ASCC1: variants seen among roughly 807,000 people sequenced by gnomAD.
The protein encoded by ASCC1 is activating signal cointegrator 1 complex subunit 1, also known as ASC-1 complex subunit P50.
ASCC1 carries 35 observed loss-of-function variants against 46.6 expected under a neutral mutation model. That is an observed-to-expected ratio of 0.75 (90% CI 0.57 to 0.99). ASCC1 has a LOEUF of 0.99. ASCC1 is among the 50% of genes least tolerant of loss of function. The pLI is 0.00. For missense variants in ASCC1, 376 were observed against 428.7 expected (o/e 0.88, Z 1.09); for synonymous variants, 143 against 146.6 (o/e 0.98, Z 0.18).
intron 8 of ASCC1, among the ~76,000 whole-genome samples, chr10:72,130,929 T>TAGAG (rs1324434361): frequency 1.3e-5 from 2 of 152,220 alleles, no homozygotes; most frequent in African/African-American, 4.8e-5. Context: ...TCTGAAACTC[T>TAGAG]GCCTTTACAT....
intron 7 of ASCC1, among the ~76,000 whole-genome samples, chr10:72,139,999 G>A (rs1202231793): frequency 1.3e-5 from 2 of 152,200 alleles, no homozygotes; most frequent in Non-Finnish European, 2.9e-5. Flanking sequence ...AAGTGGAAGA[G>A]ATTATAGTGG....
chr10:72,209,027 T>C (rs1475124265), intron 3 of ASCC1, among the ~76,000 whole-genome samples: 4 of 151,878 alleles, frequency 2.6e-5, no homozygotes, highest in Admixed American at 1.3e-4. Flanking sequence ...TAGCCAGGCA[T>C]GGTGGCACAC....
chr10:72,173,165 G>A (rs2132889497), intron 5 of ASCC1, among the ~76,000 whole-genome samples: 1 of 151,714 alleles, frequency 6.6e-6, no homozygotes, highest in Non-Finnish European at 1.5e-5. Context: ...ACCTGGAAAT[G>A]ACTAGGAAAC....
chr10:72,120,751 T>C (rs1844104963), intron 9 of ASCC1, among the ~76,000 whole-genome samples: 1 of 152,004 alleles, frequency 6.6e-6, no homozygotes, highest in Non-Finnish European at 1.5e-5. Flanking sequence ...TCAGAAACCA[T>C]GCAATCAAAA....
At chr10:72,147,697 G>C (rs1405760319) in intron 7 of ASCC1, among the ~76,000 whole-genome samples, 1 of 152,086 alleles carries the variant, frequency 6.6e-6, no homozygotes, top group Non-Finnish European at 1.5e-5. Context: ...AAATCACTTA[G>C]GCTCTCTGAA....
intron 5 of ASCC1, among the ~76,000 whole-genome samples, chr10:72,177,041 T>C (rs1430807247): frequency 1.3e-5 from 2 of 152,070 alleles, no homozygotes; most frequent in Non-Finnish European, 1.5e-5. Context: ...CCCTAGAGTA[T>C]GGGATCCTTA....
chr10:72,151,038 T>C (rs2132536316), intron 7 of ASCC1, among the ~76,000 whole-genome samples: 1 of 152,338 alleles, frequency 6.6e-6, no homozygotes, highest in African/African-American at 2.4e-5. Flanking sequence ...GACAGTGTGG[T>C]GATTCCTCAA....
intron 5 of ASCC1, among the ~76,000 whole-genome samples, chr10:72,188,153 C>T (rs1472900786): frequency 2.9e-5 from 4 of 137,012 alleles, no homozygotes; most frequent in African/African-American, 1.1e-4. Flanking sequence ...GAGACAGTCT[C>T]GCTCTGTCAG....
At chr10:72,177,339 A>G (rs1851981541) in intron 5 of ASCC1, among the ~76,000 whole-genome samples, 1 of 152,206 alleles carries the variant, frequency 6.6e-6, no homozygotes, top group African/African-American at 2.4e-5. Context: ...AAAGATAACT[A>G]CAAATCCTAC....
At chr10:72,165,144 C>T (rs572462591) in intron 5 of ASCC1, among the ~76,000 whole-genome samples, 4 of 151,766 alleles carry the variant, frequency 2.6e-5, no homozygotes, top group East Asian at 3.9e-4. Flanking sequence ...GACGGAGTTT[C>T]GCTCTTGTTG....
rs372834128 is a variant in ASCC1, at chr10:72,133,043, T to C, written c.871+14A>G. 3.1e-6 allele frequency: 5 copies of C among 1,614,020 alleles called. No homozygotes were observed. In the African/African-American group the frequency reaches 5.3e-5, roughly 17 times the overall value. On this transcript the variant is annotated intron_variant, in intron 8 of 9. Coordinates refer to ENST00000672957, the MANE Select transcript of ASCC1 (RefSeq NM_001198800.3). The stretch of plus-strand genomic sequence containing the variant: ...CTGATCACAAACTGTGCTATAGTTC[T>C]CTGGGGGACTTACCATTGGGGTCTT...
intron 4 of ASCC1, among the ~76,000 whole-genome samples, chr10:72,202,748 C>G (rs1229214160): frequency 6.6e-6 from 1 of 152,102 alleles, no homozygotes; most frequent in Non-Finnish European, 1.5e-5. Context: ...ATGGAAAAGG[C>G]TGAACTTTAT....
intron 1 of ASCC1, among the ~76,000 whole-genome samples, chr10:72,215,139 A>T (rs929908150): frequency 1.3e-5 from 2 of 152,340 alleles, no homozygotes; most frequent in Non-Finnish European, 2.9e-5. Flanking sequence ...GCGGTGGCTC[A>T]CGTCTGTAAT....
chr10:72,150,000 A>G (rs192586593), intron 7 of ASCC1, among the ~76,000 whole-genome samples: 8 of 152,198 alleles, frequency 5.3e-5, no homozygotes, highest in Admixed American at 4.6e-4. Flanking sequence ...AGCCTGACCA[A>G]TATGGTGAAA....
intron 7 of ASCC1, among the ~76,000 whole-genome samples, chr10:72,144,007 T>C (rs1481390868): frequency 2.0e-5 from 3 of 152,082 alleles, no homozygotes; most frequent in African/African-American, 7.2e-5. Flanking sequence ...TTCTTTCTTT[T>C]TTTTTTAACA....
intron 5 of ASCC1, among the ~76,000 whole-genome samples, chr10:72,194,368 A>C (rs1421747637): frequency 2.0e-5 from 3 of 151,812 alleles, no homozygotes; most frequent in Non-Finnish European, 4.4e-5. Flanking sequence ...AAAAAAAAAA[A>C]AACCAAAAAC....
At chr10:72,161,696 C>T (rs1184396640) in intron 5 of ASCC1, 22 bp from the exon 6 acceptor site, 1 of 1,613,930 alleles carries the variant, frequency 6.2e-7, no homozygotes, top group Non-Finnish European at 8.5e-7. Flanking sequence ...GAGAGAAAAA[C>T]AAGAAACTCA....
chr10:72,135,058 G>C (rs896341630), intron 7 of ASCC1, among the ~76,000 whole-genome samples: 20 of 152,214 alleles, frequency 1.3e-4, no homozygotes, highest in Admixed American at 4.6e-4. Flanking sequence ...AAGATACAGA[G>C]TTGAGTGAGG....
Position 72,133,353 on chromosome 10 carries a change from CA to C in ASCC1, c.747-173del, listed in dbSNP as rs1477617627. 4 of 670,228 alleles carry C rather than the reference CA, an allele frequency of 6.0e-6. No homozygotes were observed. The Admixed American group carries it at 6.9e-5, about 12-fold the overall frequency. The allele number at this position is 670,228 out of a possible 1,614,324, so 41.5% of individuals were successfully genotyped here. A position where few individuals can be genotyped will look rare whatever the true frequency, so the allele number is the denominator to read the frequency against. The stretch of plus-strand genomic sequence containing the variant: ...CTCCCACCATCATGGAGCTAAAGAT[CA>C]GTCTTGTTTGTCTGCTTAACAGATA... On this transcript the variant is annotated intron_variant, in intron 7 of 9. Transcript: ENST00000672957.
Sources: allele counts gnomAD v4.1 joint callset (sites outside exome capture counted in the v4.1 genomes callset), GRCh38; gene constraint gnomAD v4.1.1; transcripts MANE v1.5; gene names NCBI Gene and HGNC (gene_info 2026-07-23, HGNC 2026-07-21).